ROR1: variants seen among roughly 807,000 people sequenced by gnomAD.
ROR1 encodes ROR family WNT receptor 1.
Under a neutral mutation model 78.8 loss-of-function variants are expected in ROR1, and 19 were observed. The observed-to-expected ratio is 0.24, with a 90% confidence interval of 0.17 to 0.35. ROR1 has a LOEUF of 0.35. Among genes scored for constraint, ROR1 ranks in the 10% least tolerant of loss-of-function variants. ROR1 has a pLI of 1.00. For synonymous variants in ROR1, 386 were observed against 433.6 expected, an observed-to-expected ratio of 0.89 and a Z score of 1.36; for missense variants, 917 against 1,177.8, an observed-to-expected ratio of 0.78 and a Z score of 3.24.
intron 7 of ROR1, among the ~76,000 whole-genome samples, chr1:64,146,722 C>G (rs953929431): frequency 1.3e-5 from 2 of 152,138 alleles, no homozygotes; most frequent in African/African-American, 4.8e-5. Flanking sequence ...CGATGCCCTT[C>G]CTGCAGCATC....
chr1:63,829,439 G>T (rs983798507), intron 1 of ROR1, among the ~76,000 whole-genome samples: 5 of 152,158 alleles, frequency 3.3e-5, no homozygotes, highest in Non-Finnish European at 1.5e-5. Flanking sequence ...CCGTCACGAG[G>T]GATTCCTAAT....
intron 1 of ROR1, among the ~76,000 whole-genome samples, chr1:63,975,895 C>T (rs144031192): frequency 8.3e-4 from 126 of 152,290 alleles, no homozygotes; most frequent in African/African-American, 2.5e-3. Context: ...CTAAAACAGA[C>T]GGCATTTGTT....
chr1:63,804,026 A>C (rs1644812313), intron 1 of ROR1, among the ~76,000 whole-genome samples: 1 of 152,206 alleles, frequency 6.6e-6, no homozygotes, highest in Non-Finnish European at 1.5e-5. Flanking sequence ...GATTATGCTG[A>C]GTAATCTCTA....
intron 1 of ROR1, chr1:63,789,033 T>C: frequency 1.6e-6 from 1 of 631,148 alleles, no homozygotes; most frequent in South Asian, 1.4e-5. Context: ...CGTGACCTTC[T>C]CTGGCATCCG....
At chr1:63,849,993 G>A (rs984193294) in intron 1 of ROR1, among the ~76,000 whole-genome samples, 1 of 152,158 alleles carries the variant, frequency 6.6e-6, no homozygotes, top group Admixed American at 6.5e-5. Flanking sequence ...TTCTTCTCCA[G>A]AGATAATCTG....
At chr1:64,139,480 T>C (rs1649232168) in intron 5 of ROR1, among the ~76,000 whole-genome samples, 1 of 152,152 alleles carries the variant, frequency 6.6e-6, no homozygotes, top group Admixed American at 6.5e-5. Context: ...TGGTGCGCTT[T>C]TTGTGCATCT....
intron 4 of ROR1, among the ~76,000 whole-genome samples, chr1:64,117,502 G>A (rs1035182052): frequency 6.6e-6 from 1 of 152,150 alleles, no homozygotes; most frequent in East Asian, 1.9e-4. Flanking sequence ...TCTAGCTTAT[G>A]TAAGAAGTTT....
At position 64,049,776 on chromosome 1, in the gene ROR1, G is replaced by T; in HGVS notation, c.249G>T (p.Gly83=). ...QTAELHCKVS[G]NPPPTIRWFK... Reference sequence around the variant, plus strand: ...CAGAACTGCACTGCAAAGTCTCTGGGAATCCACCTCCCACCATCCGCTGGT... The same window carrying T: ...CAGAACTGCACTGCAAAGTCTCTGGTAATCCACCTCCCACCATCCGCTGGT... The change falls in exon 3 of 9, where the codon GGG becomes GGT. Residue 83 remains glycine, a synonymous_variant. Coordinates refer to ENST00000371079, the MANE Select transcript of ROR1 (RefSeq NM_005012.4). 1.2e-6 allele frequency: 2 copies of T among 1,614,134 alleles called. No individual in the cohort carries two copies. The highest frequency in any genetic ancestry group is 1.1e-5 in the South Asian group (1 of 91,076).
chr1:63,950,774 G>A (rs765669292), intron 1 of ROR1, among the ~76,000 whole-genome samples: 12 of 152,204 alleles, frequency 7.9e-5, no homozygotes, highest in Non-Finnish European at 1.6e-4. Flanking sequence ...AGATTTGGGA[G>A]CCAGTGAGCT....
chr1:64,004,016 G>A (rs1435030195), intron 1 of ROR1, among the ~76,000 whole-genome samples: 1 of 152,202 alleles, frequency 6.6e-6, no homozygotes, highest in East Asian at 1.9e-4. Flanking sequence ...GAAATTCCTT[G>A]AGTGTCTCTC....
intron 1 of ROR1, among the ~76,000 whole-genome samples, chr1:63,914,746 G>A (rs906156170): frequency 2.0e-5 from 3 of 152,180 alleles, no homozygotes; most frequent in Non-Finnish European, 4.4e-5. Context: ...GAAGTGATCA[G>A]TGTAATCAGC....
At chr1:64,134,103 G>GT (rs1286670962) in intron 4 of ROR1, among the ~76,000 whole-genome samples, 4 of 152,140 alleles carry the variant, frequency 2.6e-5, no homozygotes, top group Non-Finnish European at 2.9e-5. Context: ...ACTATTTAGA[G>GT]CAAATCTAGC....
intron 7 of ROR1, among the ~76,000 whole-genome samples, chr1:64,147,475 C>T (rs1338205663): frequency 6.6e-6 from 1 of 152,136 alleles, no homozygotes; most frequent in Non-Finnish European, 1.5e-5. Flanking sequence ...GACATATGAT[C>T]AATAAGCTGC....
chr1:64,174,965 A>G (rs1419384177), intron 8 of ROR1, among the ~76,000 whole-genome samples: 1 of 151,718 alleles, frequency 6.6e-6, no homozygotes, highest in East Asian at 1.9e-4. Context: ...ATTGCAAAAG[A>G]TATTTCCTAG....
At chr1:63,870,275 T>A (rs1240618918) in intron 1 of ROR1, among the ~76,000 whole-genome samples, 1 of 152,156 alleles carries the variant, frequency 6.6e-6, no homozygotes. Context: ...CATTTAGCTA[T>A]CCTTAGAGAG....
intron 1 of ROR1, among the ~76,000 whole-genome samples, chr1:63,836,646 G>T (rs1645020369): frequency 6.6e-6 from 1 of 152,098 alleles, no homozygotes; most frequent in Non-Finnish European, 1.5e-5. Flanking sequence ...TTCTGCACTT[G>T]GCACTAATCA....
chr1:64,120,119 A>G (rs11805916), intron 4 of ROR1, among the ~76,000 whole-genome samples: 46,243 of 151,954 alleles, frequency 0.3, 7,473 homozygotes, highest in African/African-American at 0.34. Flanking sequence ...CACGTAGGGA[A>G]CTCCCTTTGC....
chr1:64,074,205 C>T (rs1747922), intron 4 of ROR1, among the ~76,000 whole-genome samples: 45,297 of 152,066 alleles, frequency 0.3, 7,834 homozygotes, highest in African/African-American at 0.47. Context: ...CAAGCCAGCC[C>T]AGTTAGTGTA....
intron 1 of ROR1, among the ~76,000 whole-genome samples, chr1:63,819,524 G>T (rs752550275): frequency 2.6e-5 from 4 of 152,194 alleles, no homozygotes; most frequent in Non-Finnish European, 5.9e-5. Context: ...TGGAAAAAAG[G>T]TATGGATAGA....
Sources: gnomAD v4.1 joint callset for allele counts (sites outside exome capture counted in the v4.1 genomes callset) on GRCh38, gnomAD v4.1.1 for gene constraint, MANE v1.5 for transcripts, NCBI Gene and HGNC (gene_info 2026-07-23, HGNC 2026-07-21) for gene names.